GRID2: variants seen among roughly 807,000 people sequenced by gnomAD.
GRID2 encodes glutamate ionotropic receptor delta type subunit 2.
A neutral mutation model predicts 114.8 loss-of-function variants in GRID2; 33 were observed. The ratio of observed to expected loss-of-function variants is 0.29; its 90% CI spans 0.22 to 0.38. GRID2 has a LOEUF of 0.38. Among genes scored for constraint, GRID2 ranks in the 10% least tolerant of loss-of-function variants. The pLI, the probability that GRID2 is intolerant of heterozygous loss-of-function variation, is 1.00. For missense variants in GRID2, 1,184 were observed against 1,257.7 expected, an observed-to-expected ratio of 0.94 and a Z score of 0.89; for synonymous variants, 505 against 449.9, an observed-to-expected ratio of 1.12 and a Z score of -1.55.
intron 2 of GRID2, among the ~76,000 whole-genome samples, chr4:92,783,109 G>A (rs1052241879): frequency 6.6e-6 from 1 of 151,898 alleles, no homozygotes; most frequent in African/African-American, 2.4e-5. Flanking sequence ...TGTATAAATA[G>A]CTTGAGATAT....
intron 13 of GRID2, among the ~76,000 whole-genome samples, chr4:93,561,091 A>G (rs929759697): frequency 2.0e-5 from 3 of 152,186 alleles, no homozygotes; most frequent in Admixed American, 2.0e-4. Flanking sequence ...TTTGAGATTT[A>G]CTTCAAAATA....
intron 1 of GRID2, among the ~76,000 whole-genome samples, chr4:92,519,743 G>T (rs1221560856): frequency 6.6e-6 from 1 of 151,800 alleles, no homozygotes; most frequent in Admixed American, 6.6e-5. Flanking sequence ...ATGGTGTAGT[G>T]GTTTCAGTCT....
rs531833179 is a variant in GRID2, at chr4:93,492,394, A to G, written c.1997+1617A>G. On this transcript the variant is annotated intron_variant, in intron 12 of 15. Coordinates refer to ENST00000282020, the MANE Select transcript of GRID2 (RefSeq NM_001510.4). ...CTAGTAAGTGACTGAGTAAAGACCA[A>G]ATCTTAAATCTGGTTCCTGAGCCTA... Among the ~76,000 whole-genome samples, 9 of 151,962 alleles carry G rather than the reference A, an allele frequency of 5.9e-5. 1 individual carries two copies. The South Asian group carries it at 1.9e-3, about 32-fold the overall frequency.
At chr4:92,478,015 G>A (rs920055071) in intron 1 of GRID2, among the ~76,000 whole-genome samples, 11 of 151,394 alleles carry the variant, frequency 7.3e-5, no homozygotes, top group African/African-American at 2.2e-4. Context: ...TTGACTAAAT[G>A]ACTGCATAAG....
At chr4:93,426,052 G>A (rs147224699) in intron 10 of GRID2, among the ~76,000 whole-genome samples, 1,822 of 152,246 alleles carry the variant, frequency 0.012, 39 homozygotes, top group African/African-American at 0.042. Context: ...CAGAAGGCTA[G>A]AGGATCTAAC....
chr4:92,945,762 G>C (rs942125365), intron 2 of GRID2, among the ~76,000 whole-genome samples: 2 of 152,180 alleles, frequency 1.3e-5, no homozygotes, highest in African/African-American at 4.8e-5. Context: ...TGATGGAAGA[G>C]TGCAGTTGAT....
chr4:93,761,577 C>G (rs1733214149), intron 14 of GRID2, among the ~76,000 whole-genome samples: 1 of 152,040 alleles, frequency 6.6e-6, no homozygotes, highest in African/African-American at 2.4e-5. Flanking sequence ...TTGCTGACCT[C>G]TAGTCTAAAA....
At chr4:92,654,477 A>G (rs753307686) in intron 2 of GRID2, among the ~76,000 whole-genome samples, 40 of 152,116 alleles carry the variant, frequency 2.6e-4, no homozygotes, top group Non-Finnish European at 4.9e-4. Context: ...CATTATAAAA[A>G]TTTGAAGAAG....
chr4:92,926,896 T>C (rs1476070145), intron 2 of GRID2, among the ~76,000 whole-genome samples: 1 of 151,904 alleles, frequency 6.6e-6, no homozygotes, highest in Non-Finnish European at 1.5e-5. Flanking sequence ...GGCAGAGTCC[T>C]CATAACCTAA....
At chr4:93,572,922 T>A (rs1736065643) in intron 13 of GRID2, among the ~76,000 whole-genome samples, 1 of 152,122 alleles carries the variant, frequency 6.6e-6, no homozygotes, top group Non-Finnish European at 1.5e-5. Context: ...TTTAAAGAAG[T>A]GTGAGTCCTA....
chr4:92,698,996 T>C (rs1254870719), intron 2 of GRID2, among the ~76,000 whole-genome samples: 2 of 152,162 alleles, frequency 1.3e-5, no homozygotes, highest in African/African-American at 4.8e-5. Context: ...ACCAGTTGTT[T>C]TCTTATTTTG....
At chr4:92,569,433 T>C (rs1246163656) in intron 1 of GRID2, among the ~76,000 whole-genome samples, 2 of 152,038 alleles carry the variant, frequency 1.3e-5, no homozygotes, top group Non-Finnish European at 2.9e-5. Context: ...TAATAAACAT[T>C]CACGTGCATG....
intron 13 of GRID2, among the ~76,000 whole-genome samples, chr4:93,574,855 A>G (rs753030048): frequency 6.6e-6 from 1 of 152,204 alleles, no homozygotes; most frequent in Non-Finnish European, 1.5e-5. Context: ...TGGTGAGCTA[A>G]CACAATAAGG....
chr4:93,504,570 G>A (rs1728443287), intron 12 of GRID2, among the ~76,000 whole-genome samples: 1 of 152,044 alleles, frequency 6.6e-6, no homozygotes, highest in Non-Finnish European at 1.5e-5. Context: ...GGACGAATAT[G>A]TGATAATCAC....
At chr4:93,673,941 T>A (rs1215199021) in intron 14 of GRID2, among the ~76,000 whole-genome samples, 1 of 152,040 alleles carries the variant, frequency 6.6e-6, no homozygotes, top group Non-Finnish European at 1.5e-5. Flanking sequence ...CCTCTCTAGT[T>A]CCCTCTTTTC....
rs935984320 is a variant in GRID2, at chr4:92,712,409, A to T, written c.244+122123A>T. Among the ~76,000 whole-genome samples, 15 of 152,158 alleles carry T rather than the reference A, an allele frequency of 9.9e-5. No homozygotes were observed. The East Asian group carries it at 2.9e-3, about 29-fold the overall frequency. Reference sequence around the variant, plus strand: ...CTGTGTTGGTATTATTATTTCTAAGAGTTTGCACTTGTATCACATTAGCAC... The same window carrying T: ...CTGTGTTGGTATTATTATTTCTAAGTGTTTGCACTTGTATCACATTAGCAC... On this transcript the variant is annotated intron_variant, in intron 2 of 15. Transcript: ENST00000282020.
intron 4 of GRID2, among the ~76,000 whole-genome samples, chr4:93,189,960 C>G (rs189140870): frequency 2.6e-5 from 4 of 152,212 alleles, no homozygotes; most frequent in African/African-American, 9.6e-5. Context: ...CTGAGAATGA[C>G]ACCAGTATTG....
In GRID2 at chr4:92,694,287, C is replaced by CA. The variant is rs1734322949; in HGVS notation, c.244+104002dup. ...GAAATTAGGAAAGAAGGTAAAGGAA[C>CA]ACTGCAGCTCTTCCAGGGAGCTAAT... is the stretch of plus-strand genomic sequence containing the variant. On this transcript the variant is annotated intron_variant, in intron 2 of 15. Transcript: ENST00000282020. Among the ~76,000 whole-genome samples, 7 of 152,098 alleles carry CA rather than the reference C, an allele frequency of 4.6e-5. No homozygotes were observed. The South Asian group carries it at 1.2e-3, about 27-fold the overall frequency.
chr4:92,584,577 A>G (rs962765689), intron 1 of GRID2, among the ~76,000 whole-genome samples: 1 of 152,044 alleles, frequency 6.6e-6, no homozygotes, highest in Non-Finnish European at 1.5e-5. Context: ...ATTAAATTTC[A>G]TGTAAAACTA....
Sources: allele counts gnomAD v4.1 joint callset (sites outside exome capture counted in the v4.1 genomes callset), GRCh38; gene constraint gnomAD v4.1.1; transcripts MANE v1.5; gene names NCBI Gene and HGNC (gene_info 2026-07-23, HGNC 2026-07-21).